The following OR51B5 variants were observed in gnomAD, a reference collection of about 807,000 sequenced individuals.
OR51B5 encodes olfactory receptor family 51 subfamily B member 5.
For missense variants in OR51B5, 456 were observed against 374.6 expected, an observed-to-expected ratio of 1.22 and a Z score of -1.79; for synonymous variants, 186 against 144.8, an observed-to-expected ratio of 1.28 and a Z score of -2.04.
upstream of OR51B5, among the ~76,000 whole-genome samples, chr11:5,344,915 G>C (rs1848966949): frequency 6.6e-6 from 1 of 152,144 alleles, no homozygotes; most frequent in Admixed American, 6.5e-5. Flanking sequence ...AGTTTGAGGG[G>C]CCTAGAACTG....
intron 1 of OR51B5, among the ~76,000 whole-genome samples, chr11:5,363,157 C>T (rs1010666705): frequency 1.1e-4 from 17 of 151,456 alleles, no homozygotes; most frequent in East Asian, 2.0e-4. Flanking sequence ...CAAAGTTTTA[C>T]GAACAGAATG....
intron 1 of OR51B5, chr11:5,468,638 G>A (rs963650261): frequency 2.2e-6 from 1 of 456,238 alleles, no homozygotes; most frequent in East Asian, 6.9e-5. Context: ...ATGAACCATG[G>A]ACACACTAAC....
chr11:5,459,287 A>G (rs1851010761), intron 1 of OR51B5, among the ~76,000 whole-genome samples: 1 of 152,202 alleles, frequency 6.6e-6, no homozygotes, highest in Non-Finnish European at 1.5e-5. Flanking sequence ...CCAGCCTTGC[A>G]TCCCAGGAAC....
intron 1 of OR51B5, among the ~76,000 whole-genome samples, chr11:5,452,772 G>A (rs903360144): frequency 6.6e-6 from 1 of 152,170 alleles, no homozygotes; most frequent in Admixed American, 6.5e-5. Flanking sequence ...CTCCCACACC[G>A]AATGCTAGTG....
intron 1 of OR51B5, among the ~76,000 whole-genome samples, chr11:5,400,682 A>G (rs765912790): frequency 3.9e-5 from 6 of 152,184 alleles, no homozygotes; most frequent in Non-Finnish European, 8.8e-5. Context: ...TGACGACTGT[A>G]TTTGAATATC....
intron 1 of OR51B5, among the ~76,000 whole-genome samples, chr11:5,481,665 A>G (rs897296787): frequency 1.5e-5 from 2 of 136,398 alleles, no homozygotes; most frequent in African/African-American, 3.0e-5. Flanking sequence ...GCAAAGTCTC[A>G]GGATACAAAA....
At chr11:5,466,513 A>T (rs1038845539) in intron 1 of OR51B5, among the ~76,000 whole-genome samples, 7 of 149,608 alleles carry the variant, frequency 4.7e-5, no homozygotes, top group East Asian at 1.9e-4. Flanking sequence ...TAGCATTAAT[A>T]AAAAAAAGAC....
chr11:5,359,230 A>G lies in OR51B5; in HGVS notation n.85-12320T>C, dbSNP rs181419775. ...CCCTGTTTGCAGATGACACGATTGT[A>G]TATCTAGAAAACCCCACTGTCTCAG... is the stretch of plus-strand genomic sequence containing the variant. On this transcript the variant is annotated intron_variant and non_coding_transcript_variant, in intron 1 of 4. Coordinates refer to the OR51B5 transcript ENST00000415970. Among the ~76,000 whole-genome samples the G allele has an allele frequency of 3.7e-4, 55 of 149,436 alleles. 1 individual carries two copies. The East Asian group carries it at 9.1e-3, about 25-fold the overall frequency.
chr11:5,388,375 G>C (rs1849734590), intron 1 of OR51B5, among the ~76,000 whole-genome samples: 1 of 151,568 alleles, frequency 6.6e-6, no homozygotes, highest in Non-Finnish European at 1.5e-5. Context: ...ATAGGAGAGG[G>C]TATTCAAACT....
intron 1 of OR51B5, among the ~76,000 whole-genome samples, chr11:5,501,936 GGCCCGGTGTGTGATGTTCCCC>G: frequency 8.3e-6 from 1 of 120,894 alleles, no homozygotes; most frequent in African/African-American, 2.6e-5. Flanking sequence ...ACCCCCGACA[GGCCCGGTGTGTGATGTTCCCC>G]GCCCTGTGTC....
At chr11:5,365,659 T>C (rs1484882937) in intron 1 of OR51B5, among the ~76,000 whole-genome samples, 1 of 152,206 alleles carries the variant, frequency 6.6e-6, no homozygotes, top group African/African-American at 2.4e-5. Context: ...TCCAAATGTG[T>C]TGAGGCCCTA....
chr11:5,347,382 C>G (rs1033648354), upstream of OR51B5, among the ~76,000 whole-genome samples: 4 of 152,210 alleles, frequency 2.6e-5, no homozygotes, highest in African/African-American at 9.6e-5. Flanking sequence ...GCAGCCTTCT[C>G]TAGTACCCAA....
chr11:5,498,073 A>T (rs978716725), intron 1 of OR51B5, among the ~76,000 whole-genome samples: 8 of 152,076 alleles, frequency 5.3e-5, no homozygotes, highest in African/African-American at 1.9e-4. Context: ...AACCTTCACA[A>T]CCTTGGCACA....
chr11:5,420,478 G>A (rs1419443876), intron 1 of OR51B5, among the ~76,000 whole-genome samples: 1 of 151,672 alleles, frequency 6.6e-6, no homozygotes, highest in Non-Finnish European at 1.5e-5. Context: ...TATTTTTCTT[G>A]ATAAATATTG....
rs562759575 is a variant in OR51B5 at position 5,462,239 on chromosome 11, T to A, written n.84+43330A>T. Among the ~76,000 whole-genome samples, 12 of 152,324 alleles carry A rather than the reference T, an allele frequency of 7.9e-5. No individual in the cohort carries two copies. In the East Asian group the frequency reaches 2.3e-3, roughly 29 times the overall value. On this transcript the variant is annotated intron_variant and non_coding_transcript_variant, in intron 1 of 4. Coordinates refer to the OR51B5 transcript ENST00000415970. ...TCAGAATAATTATAGTAGGATGAAA[T>A]TCTTGCTCTCTCTGTTTCATGGGCA...
In OR51B5 at chr11:5,433,474, T is replaced by G. The variant is rs569828070; in HGVS notation, n.84+72095A>C. Reference sequence around the variant, plus strand: ...GATTTGATGTATGAGTCAGTGATCCTGCACCAATTCTTTATCCTCTGGTTA... The same window carrying G: ...GATTTGATGTATGAGTCAGTGATCCGGCACCAATTCTTTATCCTCTGGTTA... On this transcript the variant is annotated intron_variant and non_coding_transcript_variant, in intron 1 of 4. Transcript: ENST00000415970. Among the ~76,000 whole-genome samples, 6 of 152,352 alleles carry G rather than the reference T, an allele frequency of 3.9e-5. No homozygotes were observed. The South Asian group carries it at 1.2e-3, about 32-fold the overall frequency.
chr11:5,357,169 A>T (rs141537183), intron 1 of OR51B5, among the ~76,000 whole-genome samples: 41 of 152,340 alleles, frequency 2.7e-4, no homozygotes, highest in African/African-American at 9.9e-4. Context: ...CAGTAAAAAG[A>T]CACAGACGGG....
At chr11:5,473,298 A>C (rs947531156) in intron 1 of OR51B5, among the ~76,000 whole-genome samples, 1 of 152,220 alleles carries the variant, frequency 6.6e-6, no homozygotes. Flanking sequence ...TTGACTTTTA[A>C]GAAACTAATG....
chr11:5,358,548 A>G (rs1367378694), intron 1 of OR51B5, among the ~76,000 whole-genome samples: 1 of 152,196 alleles, frequency 6.6e-6, no homozygotes, highest in Non-Finnish European at 1.5e-5. Flanking sequence ...AGTCACAGCC[A>G]AATTCTACCA....
Sources: allele counts gnomAD v4.1 joint callset (sites outside exome capture counted in the v4.1 genomes callset), GRCh38; gene constraint gnomAD v4.1.1; transcripts MANE v1.5; gene names NCBI Gene and HGNC (gene_info 2026-07-23, HGNC 2026-07-21).